Variants in EFHB observed in about 807,000 individuals in gnomAD.
The protein encoded by EFHB is EF-hand domain-containing family member B.
Under a neutral mutation model 87.2 loss-of-function variants are expected in EFHB, and 91 were observed. That is an observed-to-expected ratio of 1.04 (90% confidence interval 0.88 to 1.24). The LOEUF (loss-of-function observed/expected upper bound fraction) is 1.24. EFHB is among the 50% of genes most tolerant of loss of function. The pLI, the probability that EFHB is intolerant of heterozygous loss-of-function variation, is 0.00. For synonymous variants in EFHB, 325 were observed against 333.6 expected, an observed-to-expected ratio of 0.97 and a Z score of 0.28; for missense variants, 1,084 against 998.8, an observed-to-expected ratio of 1.09 and a Z score of -1.15.
At chr3:19,885,347 G>T (rs1409858405) in intron 10 of EFHB, among the ~76,000 whole-genome samples, 2 of 152,126 alleles carry the variant, frequency 1.3e-5, no homozygotes, top group African/African-American at 4.8e-5. Flanking sequence ...TACTTGACTG[G>T]GGGGAGCATG....
chr3:19,912,006 T>C (rs996326365), intron 5 of EFHB, among the ~76,000 whole-genome samples: 8 of 151,864 alleles, frequency 5.3e-5, no homozygotes, highest in Admixed American at 4.6e-4. Context: ...AAGGAGAAAA[T>C]AGAGAAAGAG....
chr3:19,902,105 A>G (rs944172397), intron 6 of EFHB, among the ~76,000 whole-genome samples: 4 of 152,208 alleles, frequency 2.6e-5, no homozygotes, highest in Non-Finnish European at 5.9e-5. Flanking sequence ...GCAACCATGT[A>G]TGTCAGAATA....
chr3:19,882,779 TG>T (rs745385541), intron 11 of EFHB, 48 bp from the exon 12 acceptor site: 1 of 1,536,448 alleles, frequency 6.5e-7, no homozygotes, highest in Admixed American at 1.8e-5. Flanking sequence ...AACAAAGCTG[TG>T]TAACACAGTA....
intron 8 of EFHB, 21 bp downstream of exon 8, chr3:19,898,757 G>A (rs760346896): frequency 3.0e-5 from 49 of 1,610,892 alleles, no homozygotes; most frequent in Middle Eastern, 1.6e-4. Context: ...GGTTTTTTAC[G>A]GAGAAAGTGT....
rs1388952788 is a variant in EFHB at position 19,934,197 on chromosome 3, A to G, written c.-179T>C. 3 of 1,438,776 alleles carry G rather than the reference A, an allele frequency of 2.1e-6. No individual in the cohort carries two copies. The highest frequency in any genetic ancestry group is 2.7e-6 in the Non-Finnish European group (3 of 1,104,272). 89.1% of individuals were successfully genotyped at this position (1,438,776 alleles called of 1,614,324 possible). ...TGCCTCTTAACACCTAGCCGAGTTC[A>G]CAGAGGAAAAGATGGAGTCTGTTTA... On this transcript the variant is annotated 5_prime_UTR_variant, in exon 1 of 13. Transcript: ENST00000295824.
intron 6 of EFHB, among the ~76,000 whole-genome samples, chr3:19,902,338 T>TTTTG (rs752462038): frequency 8.5e-5 from 13 of 152,054 alleles, no homozygotes; most frequent in Non-Finnish European, 1.8e-4. Flanking sequence ...TAGAGATCGT[T>TTTTG]TTTGTTTGTT....
chr3:19,885,876 T>C (rs1411240539), intron 10 of EFHB, among the ~76,000 whole-genome samples: 1 of 152,160 alleles, frequency 6.6e-6, no homozygotes, highest in Non-Finnish European at 1.5e-5. Context: ...TCTCAAAAAA[T>C]TGGAAGATTA....
chr3:19,915,596 C>T (rs899721937), intron 4 of EFHB, among the ~76,000 whole-genome samples, 183 bp from the exon 5 acceptor site: 2 of 152,126 alleles, frequency 1.3e-5, no homozygotes, highest in Non-Finnish European at 2.9e-5. Context: ...TGACCTGGCT[C>T]ATCCCCTATA....
In EFHB at chr3:19,884,617, T is replaced by A; in HGVS notation, c.1934-2A>T. ...GGTTTACACAATCTGGTTTTCTACCTTTAAGGAAAATAAATGAAAGAAAAA... is the reference window on the plus strand; with the variant it reads ...GGTTTACACAATCTGGTTTTCTACCATTAAGGAAAATAAATGAAAGAAAAA... On this transcript the variant is annotated splice_acceptor_variant, in intron 10 of 12. Coordinates refer to ENST00000295824, the MANE Select transcript of EFHB (RefSeq NM_144715.4). LOFTEE classifies it high-confidence loss of function. 3.1e-6 allele frequency: 5 copies of A among 1,609,846 alleles called. No individual in the cohort carries two copies. Among genetic ancestry groups the A allele is most frequent in the Non-Finnish European group, 4.2e-6 (5 of 1,178,732 alleles).
At chr3:19,896,446 T>C (rs1694483308) in intron 9 of EFHB, 1 of 569,732 alleles carries the variant, frequency 1.8e-6, no homozygotes, top group Non-Finnish European at 3.2e-6. Flanking sequence ...ATATTTTAGG[T>C]TTTGAAGGCC....
chr3:19,889,678 T>C (rs2929385), intron 9 of EFHB, among the ~76,000 whole-genome samples: 130,799 of 152,170 alleles, frequency 0.86, 57,510 homozygotes, highest in African/African-American at 0.95. Flanking sequence ...GAACTTAAAA[T>C]ATATGATCTT....
intron 1 of EFHB, among the ~76,000 whole-genome samples, chr3:19,939,677 C>A (rs1021965973): frequency 3.9e-5 from 6 of 152,088 alleles, no homozygotes; most frequent in Admixed American, 2.6e-4. Flanking sequence ...AACCACCGCA[C>A]CCGCCCATGG....
chr3:19,880,384 G>A (rs935212903), intron 12 of EFHB, among the ~76,000 whole-genome samples: 1 of 151,926 alleles, frequency 6.6e-6, no homozygotes, highest in Admixed American at 6.6e-5. Flanking sequence ...TGAGTAGCTG[G>A]GATTACAGGT....
intron 5 of EFHB, among the ~76,000 whole-genome samples, chr3:19,908,750 A>T (rs548047855): frequency 6.6e-6 from 1 of 152,234 alleles, no homozygotes; most frequent in African/African-American, 2.4e-5. Flanking sequence ...CTATCACTTT[A>T]GTAATGATTA....
intron 12 of EFHB, among the ~76,000 whole-genome samples, chr3:19,882,040 TA>T (rs1300860844): frequency 0.01 from 1,423 of 142,138 alleles, 27 homozygotes; most frequent in African/African-American, 0.037. Context: ...AATAAATAAA[TA>T]AATAAATAAA....
chr3:19,885,217 C>T (rs1178033484), intron 10 of EFHB, among the ~76,000 whole-genome samples: 4 of 130,350 alleles, frequency 3.1e-5, no homozygotes, highest in Non-Finnish European at 4.9e-5. Flanking sequence ...AGTGAGACTT[C>T]GTCTCAAAAA....
rs773391868 is a variant in EFHB at position 19,919,951 on chromosome 3, T to A, written c.878A>T (p.Lys293Met). The change falls in exon 3 of 13, where the codon AAG becomes ATG. Residue 293 changes from lysine (K) to methionine (M), a missense_variant. Transcript: ENST00000295824. ...PRLITPPEAKKYFNFRYPPAG... is the reference protein window; with the variant it reads ...PRLITPPEAKMYFNFRYPPAG... ...AGGTGGATATCTGAAGTTGAAATAC[T>A]TTTTTGCTTCAGGTGGAGTAATTAG... 1 of 1,613,710 alleles carries A rather than the reference T, an allele frequency of 6.2e-7. No individual in the cohort carries two copies. The highest frequency in any genetic ancestry group is 1.1e-5 in the South Asian group (1 of 91,064).
chr3:19,896,185 A>T (rs1436207238), intron 9 of EFHB, among the ~76,000 whole-genome samples: 1 of 152,164 alleles, frequency 6.6e-6, no homozygotes, highest in Non-Finnish European at 1.5e-5. Flanking sequence ...TGCTCCCAGC[A>T]CACTGCAGTT....
intron 5 of EFHB, among the ~76,000 whole-genome samples, chr3:19,906,448 TAATTC>T (rs1004530936): frequency 7.2e-5 from 11 of 151,798 alleles, no homozygotes; most frequent in Non-Finnish European, 1.6e-4. Context: ...ATCAAGAAAA[TAATTC>T]AATTTATGAT....
Sources: allele counts gnomAD v4.1 joint callset (sites outside exome capture counted in the v4.1 genomes callset), GRCh38; gene constraint gnomAD v4.1.1; transcripts MANE v1.5; gene names NCBI Gene and HGNC (gene_info 2026-07-23, HGNC 2026-07-21).